The following SPSB4 variants were observed in gnomAD, a reference collection of about 807,000 sequenced individuals.
SPSB4 encodes SPRY domain-containing SOCS box protein 4.
A neutral mutation model predicts 20.9 loss-of-function variants in SPSB4; 21 were observed. That is an observed-to-expected ratio of 1.01 (90% CI 0.71 to 1.45). SPSB4 has a LOEUF of 1.45. Ranked by LOEUF, SPSB4 falls within the 40% of genes most tolerant of loss-of-function variation. The pLI is 0.00. For synonymous variants in SPSB4, 207 were observed against 183.8 expected, an observed-to-expected ratio of 1.13 and a Z score of -1.02; for missense variants, 399 against 399.2, an observed-to-expected ratio of 1.00 and a Z score of 0.00.
chr3:141,122,065 G>C (rs193040735), intron 2 of SPSB4, among the ~76,000 whole-genome samples: 1 of 152,136 alleles, frequency 6.6e-6, no homozygotes, highest in Admixed American at 6.5e-5. Flanking sequence ...TCTACGTTTG[G>C]TTTTTGATGT....
chr3:141,080,502 C>T (rs143975225), intron 2 of SPSB4: 105 of 152,564 alleles, frequency 6.9e-4, no homozygotes, highest in Non-Finnish European at 1.0e-3. Context: ...TTGGAGCCCA[C>T]CCCGACCTCT....
chr3:141,114,929 G>A (rs1262332752), intron 2 of SPSB4, among the ~76,000 whole-genome samples: 1 of 152,192 alleles, frequency 6.6e-6, no homozygotes, highest in Non-Finnish European at 1.5e-5. Flanking sequence ...CCAGTGTCTT[G>A]TGGGGAACGC....
In SPSB4 at chr3:141,141,160, G is replaced by A. The variant is rs150220702; in HGVS notation, c.695-5982G>A. On this transcript the variant is annotated intron_variant, in intron 2 of 2. Transcript: ENST00000310546. ...GCGGGATATAATCTCCTGGTGTGCC[G>A]TTTGTTTAAGGCGTTGGAAGAGCGC... Among the ~76,000 whole-genome samples the A allele has an allele frequency of 8.3e-3, 1,265 of 152,338 alleles. 22 individuals carry two copies. The highest frequency in any genetic ancestry group is 0.028 in the African/African-American group (1,182 of 41,570).
intron 2 of SPSB4, among the ~76,000 whole-genome samples, chr3:141,100,293 G>A (rs1413921520): frequency 6.6e-6 from 1 of 152,180 alleles, no homozygotes; most frequent in Non-Finnish European, 1.5e-5. Flanking sequence ...CATTGCAGAT[G>A]TAATAAGTTA....
At chr3:141,120,650 C>A (rs1423282668) in intron 2 of SPSB4, among the ~76,000 whole-genome samples, 2 of 152,204 alleles carry the variant, frequency 1.3e-5, no homozygotes, top group East Asian at 3.8e-4. Flanking sequence ...GAATCGATCC[C>A]TTTACCATTA....
intron 2 of SPSB4, among the ~76,000 whole-genome samples, chr3:141,118,702 T>A (rs1938918506): frequency 6.6e-6 from 1 of 152,270 alleles, no homozygotes; most frequent in African/African-American, 2.4e-5. Flanking sequence ...TTCAGCTTTC[T>A]ACATATGGCT....
At chr3:141,073,475 A>C (rs1037663943) in intron 2 of SPSB4, among the ~76,000 whole-genome samples, 1 of 152,218 alleles carries the variant, frequency 6.6e-6, no homozygotes. Context: ...CAGTCCTTAC[A>C]TAGTGTGTAG....
At chr3:141,052,360 A>G (rs933270264) in intron 1 of SPSB4, among the ~76,000 whole-genome samples, 2 of 152,022 alleles carry the variant, frequency 1.3e-5, no homozygotes, top group Non-Finnish European at 2.9e-5. Flanking sequence ...GGGAATGATA[A>G]TTGTGCACAT....
Position 141,051,411 on chromosome 3 carries a change from A to C in SPSB4, c.-735A>C, listed in dbSNP as rs903524101. 8 of 155,620 alleles carry C rather than the reference A, an allele frequency of 5.1e-5. No individual in the cohort carries two copies. Among genetic ancestry groups the C allele is most frequent in the African/African-American group, 1.9e-4 (8 of 41,166 alleles). The allele number at this position is 155,620 out of a possible 1,614,324, so 9.6% of individuals were successfully genotyped here. A position where few individuals can be genotyped will look rare whatever the true frequency, so the allele number is the denominator to read the frequency against. ...GGCGGGGAGCGGGCGGCGGCGGCGG[A>C]GGAGGGGGAGGCGGCGGCGGCTGCA... is the stretch of plus-strand genomic sequence containing the variant. On this transcript the variant is annotated 5_prime_UTR_variant, in exon 1 of 3. Transcript: ENST00000310546.
chr3:141,100,852 G>T (rs972915430), intron 2 of SPSB4, among the ~76,000 whole-genome samples: 1 of 152,140 alleles, frequency 6.6e-6, no homozygotes, highest in African/African-American at 2.4e-5. Context: ...GGGAGAGAAG[G>T]GAGGGTGCCC....
intron 1 of SPSB4, among the ~76,000 whole-genome samples, chr3:141,055,971 C>T (rs1245506880): frequency 2.0e-5 from 3 of 152,206 alleles, no homozygotes; most frequent in African/African-American, 7.2e-5. Flanking sequence ...AGTGTCTGCA[C>T]GGGGCTGGAG....
At chr3:141,061,245 A>G (rs904335969) in intron 1 of SPSB4, among the ~76,000 whole-genome samples, 3 of 152,160 alleles carry the variant, frequency 2.0e-5, no homozygotes, top group Admixed American at 6.5e-5. Flanking sequence ...CATTATACCA[A>G]TTTTTAAAAA....
At chr3:141,122,682 C>G (rs1288659126) in intron 2 of SPSB4, among the ~76,000 whole-genome samples, 1 of 152,196 alleles carries the variant, frequency 6.6e-6, no homozygotes, top group South Asian at 2.1e-4. Context: ...GCTGCAGCAT[C>G]GCAGGTCAAT....
chr3:141,146,631 C>T (rs1413606214), intron 2 of SPSB4, among the ~76,000 whole-genome samples: 9 of 152,100 alleles, frequency 5.9e-5, no homozygotes, highest in East Asian at 1.9e-4. Flanking sequence ...AAAAATTAGC[C>T]GGGCTGGTGG....
At chr3:141,077,032 C>G (rs148811152) in intron 2 of SPSB4, 103 of 152,240 alleles carry the variant, frequency 6.8e-4, no homozygotes, top group African/African-American at 2.4e-3. Context: ...TTTACAGGGT[C>G]GGGAGCCAGC....
At chr3:141,055,228 G>A (rs558774067) in intron 1 of SPSB4, among the ~76,000 whole-genome samples, 1 of 152,226 alleles carries the variant, frequency 6.6e-6, no homozygotes, top group Non-Finnish European at 1.5e-5. Flanking sequence ...AGGACATAAT[G>A]GGGCGGAGGG....
chr3:141,080,968 C>T (rs1938218626), intron 2 of SPSB4, among the ~76,000 whole-genome samples: 1 of 152,196 alleles, frequency 6.6e-6, no homozygotes, highest in Non-Finnish European at 1.5e-5. Context: ...TGCTCTGTGA[C>T]CTCGGGGAAG....
In SPSB4 at chr3:141,060,496, G is replaced by A. The variant is rs148528976; in HGVS notation, c.-153-5456G>A. ...CCCAGTCCTGCCACTTCCTGGCTGT[G>A]TGACCCCAGGTTATGCAAGTTATGC... On this transcript the variant is annotated intron_variant, in intron 1 of 2. Coordinates refer to ENST00000310546, the MANE Select transcript of SPSB4 (RefSeq NM_080862.3). Among the ~76,000 whole-genome samples the A allele has an allele frequency of 2.6e-4, 40 of 152,338 alleles. No individual in the cohort carries two copies. The Middle Eastern group carries it at 0.017, about 65-fold the overall frequency.
intron 1 of SPSB4, among the ~76,000 whole-genome samples, chr3:141,055,586 A>G (rs1937622871): frequency 6.6e-6 from 1 of 152,214 alleles, no homozygotes; most frequent in African/African-American, 2.4e-5. Context: ...CAGTGGAGTC[A>G]GGGAAGCCTG....
Sources: gnomAD v4.1 joint callset for allele counts (sites outside exome capture counted in the v4.1 genomes callset) on GRCh38, gnomAD v4.1.1 for gene constraint, MANE v1.5 for transcripts, NCBI Gene and HGNC (gene_info 2026-07-23, HGNC 2026-07-21) for gene names.